PPARGC1A: variants seen among roughly 807,000 people sequenced by gnomAD.
The protein encoded by PPARGC1A is PPARG coactivator 1 alpha.
PPARGC1A carries 25 observed loss-of-function variants against 88.7 expected under a neutral mutation model. The ratio of observed to expected loss-of-function variants is 0.28; its 90% confidence interval spans 0.21 to 0.39. PPARGC1A has a LOEUF of 0.39. Ranked by LOEUF, PPARGC1A falls within the 10% of genes least tolerant of loss-of-function variation. The pLI, the probability that PPARGC1A is intolerant of heterozygous loss-of-function variation, is 1.00. For synonymous variants in PPARGC1A, 363 were observed against 355.6 expected, an observed-to-expected ratio of 1.02 and a Z score of -0.24; for missense variants, 880 against 968.7, an observed-to-expected ratio of 0.91 and a Z score of 1.22.
chr4:24,239,069 G>T, the PPARGC1A span, among the ~76,000 whole-genome samples: 2 of 152,130 alleles, frequency 1.3e-5, no homozygotes, highest in African/African-American at 4.8e-5. Flanking sequence ...AGTATAATAA[G>T]TTGGATATCA....
the PPARGC1A span, among the ~76,000 whole-genome samples, chr4:23,922,452 C>G: frequency 6.6e-6 from 1 of 152,342 alleles, no homozygotes; most frequent in African/African-American, 2.4e-5. Context: ...GATGCATTCA[C>G]ACAATAGCTA....
At chr4:24,190,968 C>T in the PPARGC1A span, among the ~76,000 whole-genome samples, 1 of 152,160 alleles carries the variant, frequency 6.6e-6, no homozygotes, top group South Asian at 2.1e-4. Context: ...TGCCCTCTTC[C>T]ATAAAATAGG....
At chr4:24,260,761 C>T in the PPARGC1A span, among the ~76,000 whole-genome samples, 2 of 146,652 alleles carry the variant, frequency 1.4e-5, no homozygotes. Flanking sequence ...CATTTTTGCA[C>T]TGATATAACA....
In PPARGC1A at chr4:23,813,833, A is replaced by G. The variant is rs745413736; in HGVS notation, c.1650T>C (p.Ser550=). ...AAAATAAGGATTTGGGTGGTGACAC[A>G]GAATCTCTACATGGAGAGTTAAAAG... is the stretch of plus-strand genomic sequence containing the variant. ...CSSFNSPCRD[S]VSPPKSLFSQ... is the part of the protein sequence containing the mutation. The change falls in exon 8 of 13, where the codon TCT becomes TCC. Residue 550 remains serine, a synonymous_variant. Transcript: ENST00000264867. 1.9e-6 allele frequency: 3 copies of G among 1,613,962 alleles called. No individual in the cohort carries two copies. The African/African-American group carries it at 4.0e-5, about 22-fold the overall frequency.
chr4:24,109,317 ACAC>A, the PPARGC1A span, among the ~76,000 whole-genome samples: 1 of 148,960 alleles, frequency 6.7e-6, no homozygotes, highest in African/African-American at 2.5e-5. Context: ...ACACACACAC[ACAC>A]ACACACACAC....
At chr4:24,401,738 C>G in the PPARGC1A span, among the ~76,000 whole-genome samples, 4 of 151,764 alleles carry the variant, frequency 2.6e-5, no homozygotes, top group Non-Finnish European at 5.9e-5. Context: ...GCTACTTAAT[C>G]TCTCTATGCC....
chr4:23,973,528 T>G, the PPARGC1A span, among the ~76,000 whole-genome samples: 3 of 152,240 alleles, frequency 2.0e-5, no homozygotes, highest in African/African-American at 7.2e-5. Context: ...TGGTGTTTGA[T>G]GTCTATTTAT....
At chr4:23,899,762 G>C (rs1577698416), upstream of PPARGC1A, among the ~76,000 whole-genome samples, 1 of 152,162 alleles carries the variant, frequency 6.6e-6, no homozygotes, top group Admixed American at 6.5e-5. Context: ...TGCCATGGGT[G>C]GTGGTTTGGG....
the PPARGC1A span, among the ~76,000 whole-genome samples, chr4:24,172,181 G>A: frequency 1.3e-5 from 2 of 152,154 alleles, no homozygotes; most frequent in African/African-American, 4.8e-5. Context: ...TATCACAGCA[G>A]GTCACTGAAA....
At chr4:23,991,220 T>C in the PPARGC1A span, among the ~76,000 whole-genome samples, 2 of 152,058 alleles carry the variant, frequency 1.3e-5, no homozygotes, top group African/African-American at 4.8e-5. Flanking sequence ...GAAAGGCAGA[T>C]AGCTTTGTGG....
At chr4:24,325,831 C>G in the PPARGC1A span, among the ~76,000 whole-genome samples, 5 of 152,210 alleles carry the variant, frequency 3.3e-5, no homozygotes, top group Non-Finnish European at 5.9e-5. Context: ...GTTTCCCTTG[C>G]CTCCATAACT....
the PPARGC1A span, among the ~76,000 whole-genome samples, chr4:24,341,716 A>T: frequency 2.0e-5 from 3 of 152,220 alleles, no homozygotes; most frequent in African/African-American, 7.2e-5. Context: ...CAGAGGAGAC[A>T]CAGATTAAAG....
At chr4:24,332,892 C>A in the PPARGC1A span, among the ~76,000 whole-genome samples, 2 of 152,172 alleles carry the variant, frequency 1.3e-5, no homozygotes, top group Admixed American at 1.3e-4. Context: ...TATTTACCAA[C>A]CTGAAATATT....
the PPARGC1A span, among the ~76,000 whole-genome samples, chr4:24,390,152 T>C: frequency 6.6e-6 from 1 of 151,916 alleles, no homozygotes. Context: ...ATCCTAAGAG[T>C]TCATGAAATA....
At chr4:23,848,070 G>T (rs1236389235) in intron 2 of PPARGC1A, among the ~76,000 whole-genome samples, 1 of 151,988 alleles carries the variant, frequency 6.6e-6, no homozygotes, top group East Asian at 1.9e-4. Flanking sequence ...TCTGTAAAAA[G>T]GCAGAAGTGA....
the PPARGC1A span, among the ~76,000 whole-genome samples, chr4:23,956,078 A>C: frequency 6.6e-6 from 1 of 152,282 alleles, no homozygotes; most frequent in African/African-American, 2.4e-5. Flanking sequence ...ATTGTTATAT[A>C]ACACAAAACA....
chr4:24,071,308 C>A, the PPARGC1A span, among the ~76,000 whole-genome samples: 3 of 152,218 alleles, frequency 2.0e-5, no homozygotes, highest in Admixed American at 6.5e-5. Flanking sequence ...TCTTCCATAA[C>A]CCCTAAACCA....
intron 10 of PPARGC1A, among the ~76,000 whole-genome samples, chr4:23,812,198 C>A (rs971770576): frequency 4.8e-4 from 73 of 152,056 alleles, no homozygotes; most frequent in African/African-American, 1.7e-3. Flanking sequence ...ATGCCTTGGC[C>A]TCCCAAAGTG....
the PPARGC1A span, among the ~76,000 whole-genome samples, chr4:24,278,900 T>C: frequency 6.6e-6 from 1 of 152,170 alleles, no homozygotes; most frequent in Non-Finnish European, 1.5e-5. Context: ...CACTCTCCCC[T>C]AGGTCACTCT....
Sources: allele counts gnomAD v4.1 joint callset (sites outside exome capture counted in the v4.1 genomes callset), GRCh38; gene constraint gnomAD v4.1.1; transcripts MANE v1.5; gene names NCBI Gene and HGNC (gene_info 2026-07-23, HGNC 2026-07-21).